PHF6: variants seen among roughly 807,000 people sequenced by gnomAD.
PHF6 encodes PHD-like zinc finger protein.
In PHF6, 7 loss-of-function variants were observed where a neutral mutation model predicts 34.0. The observed-to-expected ratio is 0.21, with a 90% confidence interval of 0.12 to 0.39. The LOEUF (loss-of-function observed/expected upper bound fraction) is 0.39. Ranked by LOEUF, PHF6 falls within the 10% of genes least tolerant of loss-of-function variation. The pLI, the probability that PHF6 is intolerant of heterozygous loss-of-function variation, is 1.00. For synonymous variants in PHF6, 89 were observed against 88.4 expected, an observed-to-expected ratio of 1.01 and a Z score of -0.04; for missense variants, 128 against 262.8, an observed-to-expected ratio of 0.49 and a Z score of 3.55.
At chrX:134,406,066 CTTTCTT>C (rs1298940625) in intron 5 of PHF6, among the ~76,000 whole-genome samples, 2 of 49,624 alleles carry the variant, frequency 4.0e-5, no homozygotes, top group Non-Finnish European at 7.0e-5. Flanking sequence ...TTTTCTTTTT[CTTTCTT>C]TCTTTCTTTC....
Position 134,413,531 on chromosome X carries a change from C to A in PHF6, c.459C>A (p.Pro153=). Residue 153 remains proline, a synonymous_variant, in exon 6 of 11, where the codon CCC becomes CCA. Transcript: ENST00000370803. ...GTTTTAATGAACATGAACTGGAGCC[C>A]TCATCACCTAAAAGTAAAAAGAAAA... The part of the protein sequence containing the change: ...EESFNEHELE[P]SSPKSKKKSR... The A allele has an allele frequency of 8.3e-7, 1 of 1,210,360 alleles. No individual in the cohort carries two copies. Among genetic ancestry groups the A allele is most frequent in the African/African-American group, 1.7e-5 (1 of 57,590 alleles).
At chrX:134,409,692 T>C (rs1311327284) in intron 5 of PHF6, among the ~76,000 whole-genome samples, 1 of 108,746 alleles carries the variant, frequency 9.2e-6, no homozygotes, top group Admixed American at 9.9e-5. Flanking sequence ...GGGGTGCACG[T>C]GCAGGTTTGT....
In PHF6 at chrX:134,428,482, T is replaced by C. The variant is rs1015233059; in HGVS notation, c.*2822T>C. The C allele has an allele frequency of 6.3e-6, 1 of 158,009 alleles. No homozygotes were observed. Among genetic ancestry groups the C allele is most frequent in the African/African-American group, 3.0e-5 (1 of 33,048 alleles). 13.0% of individuals were successfully genotyped at this position (158,009 alleles called of 1,213,427 possible). ...ATCTGCTATTGAATCAGAATCTGTG[T>C]ACTTGAACAAATGTGTGAATCTCAA... On this transcript the variant is annotated 3_prime_UTR_variant, in exon 11 of 11. Transcript: ENST00000370803.
At chrX:134,376,238 G>A (rs148897822) in intron 1 of PHF6, among the ~76,000 whole-genome samples, 119 of 112,126 alleles carry the variant, frequency 1.1e-3, no homozygotes, top group African/African-American at 3.5e-3. Context: ...TACTGTTCTT[G>A]TTGGTGAACG....
intron 1 of PHF6, among the ~76,000 whole-genome samples, chrX:134,374,714 G>T (rs1048126074): frequency 8.9e-6 from 1 of 112,316 alleles, no homozygotes; most frequent in Non-Finnish European, 1.9e-5. Context: ...TTGGTGCTTC[G>T]CAGCATCTTG....
chrX:134,419,262 C>G (rs1465353097), intron 9 of PHF6: 1 of 111,220 alleles, frequency 9.0e-6, no homozygotes, highest in Non-Finnish European at 1.9e-5. Context: ...GTGGCTCACA[C>G]TTATAATCTC....
intron 5 of PHF6, among the ~76,000 whole-genome samples, chrX:134,395,441 C>T (rs1312029268): frequency 8.9e-6 from 1 of 111,925 alleles, no homozygotes; most frequent in South Asian, 3.7e-4. Context: ...AAAAAGTATG[C>T]GAAAACTCTG....
chrX:134,377,923 A>G (rs898773243), intron 2 of PHF6, 82 bp from the exon 3 acceptor site: 37 of 931,866 alleles, frequency 4.0e-5, no homozygotes, highest in Middle Eastern at 3.3e-4. Flanking sequence ...GAAAATTACC[A>G]TTTAAATTTG....
intron 5 of PHF6, 21 bp from the exon 6 acceptor site, chrX:134,413,469 GT>G: frequency 8.3e-7 from 1 of 1,207,858 alleles, no homozygotes; most frequent in Non-Finnish European, 1.1e-6. Flanking sequence ...TCCATAAAAA[GT>G]TTTTGTTCAT....
intron 5 of PHF6, among the ~76,000 whole-genome samples, chrX:134,406,062 T>TTTTCTCTTTCTTTCTTTCTTTC (rs1556017615): frequency 3.8e-5 from 3 of 78,076 alleles, no homozygotes; most frequent in Non-Finnish European, 7.2e-5. Context: ...TCCTTTTTCT[T>TTTTCTCTTTCTTTCTTTCTTTC]TTTCTTTCTT....
At chrX:134,421,785 A>G (rs905471296) in intron 9 of PHF6, among the ~76,000 whole-genome samples, 1 of 106,011 alleles carries the variant, frequency 9.4e-6, no homozygotes, top group African/African-American at 3.5e-5. Flanking sequence ...CCTATGGGGT[A>G]GCCATTCTTT....
chrX:134,425,597 CATT>C, intron 10 of PHF6, 61 bp from the exon 11 acceptor site: 1 of 321,164 alleles, frequency 3.1e-6, no homozygotes, highest in Non-Finnish European at 5.4e-6. Flanking sequence ...TCCTCAATAA[CATT>C]ATATTGATTG....
rs794727879 is a variant in PHF6, at chrX:134,413,925, A to G, written c.688A>G (p.Ile230Val). Residue 230 changes from isoleucine (I) to valine (V), a missense_variant, in exon 7 of 11, where the codon ATA becomes GTA. This residue lies in a region of PHF6 where 16 missense variants were observed against 93.7 expected (regional missense o/e 0.17). Coordinates refer to ENST00000370803, the MANE Select transcript of PHF6 (RefSeq NM_001015877.2). ...AAATGAAGCACGAGGAAAACTGCAT[A>G]TATTTAATGCCAAGAAGGCAGCTGC... is the stretch of plus-strand genomic sequence containing the variant. ...EENEARGKLH[I>V]FNAKKAAAHY... The G allele has an allele frequency of 1.7e-6, 2 of 1,208,321 alleles. No individual in the cohort carries two copies. The highest frequency in any genetic ancestry group is 3.0e-5 in the East Asian group (1 of 33,771).
At chrX:134,386,451 G>A (rs1197117102) in intron 3 of PHF6, among the ~76,000 whole-genome samples, 15 of 104,492 alleles carry the variant, frequency 1.4e-4, no homozygotes, top group Non-Finnish European at 7.8e-5. Context: ...TCACTCTGTC[G>A]CCAGGCTGGA....
At chrX:134,417,379 T>C in intron 9 of PHF6, 77 bp downstream of exon 9, 1 of 1,045,604 alleles carries the variant, frequency 9.6e-7, no homozygotes, top group Non-Finnish European at 1.3e-6. Context: ...GTTTACTCAG[T>C]CTCTGTTCTT....
At chrX:134,398,679 G>A (rs1052996747) in intron 5 of PHF6, among the ~76,000 whole-genome samples, 4 of 111,608 alleles carry the variant, frequency 3.6e-5, no homozygotes, top group Non-Finnish European at 7.5e-5. Flanking sequence ...TAAGGGAAAA[G>A]AGATATTGGA....
intron 1 of PHF6, among the ~76,000 whole-genome samples, chrX:134,376,752 G>T (rs1395888896): frequency 2.7e-5 from 3 of 111,458 alleles, no homozygotes; most frequent in African/African-American, 9.7e-5. Context: ...AAATAATTGG[G>T]TCTTAAAGTC....
In PHF6 at chrX:134,375,770, A is replaced by G. The variant is rs186723483; in HGVS notation, c.-46-1802A>G. On this transcript the variant is annotated intron_variant, in intron 1 of 10. Coordinates refer to ENST00000370803, the MANE Select transcript of PHF6 (RefSeq NM_001015877.2). ...CTATTTATGAATTTTGGTATTTTGC[A>G]TAGTTAATTCTAAAAATTTGGGCAG... 3.2e-3 allele frequency among the ~76,000 whole-genome samples: 362 copies of G among 112,524 alleles called. 2 individuals carry two copies. Among genetic ancestry groups the G allele is most frequent in the African/African-American group, 0.011 (343 of 31,064 alleles).
At chrX:134,379,054 G>C (rs1229081163) in intron 3 of PHF6, among the ~76,000 whole-genome samples, 1 of 112,068 alleles carries the variant, frequency 8.9e-6, no homozygotes, top group Non-Finnish European at 1.9e-5. Context: ...ACATATAACT[G>C]CGTTTGTAGT....
Sources: allele counts gnomAD v4.1 joint callset (sites outside exome capture counted in the v4.1 genomes callset), GRCh38; gene constraint gnomAD v4.1.1; regional missense constraint gnomAD v4.1.1; transcripts MANE v1.5; gene names NCBI Gene and HGNC (gene_info 2026-07-23, HGNC 2026-07-21).